Variants in RIC1 observed in about 807,000 individuals in gnomAD.
RIC1 encodes RIC1 partner of RAB6A GEF complex, also known as guanine nucleotide exchange factor subunit RIC1.
A neutral mutation model predicts 169.0 loss-of-function variants in RIC1; 88 were observed. The observed-to-expected ratio is 0.52, with a 90% CI of 0.44 to 0.62. RIC1 has a LOEUF of 0.62. RIC1 is among the 20% of genes least tolerant of loss of function. The pLI is 0.00. For synonymous variants in RIC1, 790 were observed against 601.5 expected, an observed-to-expected ratio of 1.31 and a Z score of -4.59; for missense variants, 1,877 against 1,725.5, an observed-to-expected ratio of 1.09 and a Z score of -1.56.
intron 3 of RIC1, among the ~76,000 whole-genome samples, chr9:5,702,852 A>G (rs1342252276): frequency 6.6e-6 from 1 of 152,164 alleles, no homozygotes; most frequent in Admixed American, 6.5e-5. Flanking sequence ...CAACTGAGCT[A>G]CACACTTTTA....
At chr9:5,663,882 T>G (rs1819599851) in intron 2 of RIC1, among the ~76,000 whole-genome samples, 1 of 152,086 alleles carries the variant, frequency 6.6e-6, no homozygotes, top group Non-Finnish European at 1.5e-5. Context: ...CAGACTTATG[T>G]GGTTCCTTCA....
intron 1 of RIC1, among the ~76,000 whole-genome samples, chr9:5,637,104 G>T (rs1301287976): frequency 1.3e-5 from 2 of 152,180 alleles, no homozygotes; most frequent in African/African-American, 2.4e-5. Flanking sequence ...CAGTTGCCCA[G>T]GTTGGAGTGC....
At chr9:5,661,982 C>G (rs1277656893) in intron 2 of RIC1, among the ~76,000 whole-genome samples, 5 of 152,042 alleles carry the variant, frequency 3.3e-5, no homozygotes, top group Admixed American at 1.3e-4. Flanking sequence ...ATATATGACT[C>G]TTATTATTTT....
downstream of RIC1, among the ~76,000 whole-genome samples, chr9:5,776,899 T>G (rs1348671648): frequency 6.6e-6 from 1 of 152,126 alleles, no homozygotes; most frequent in Non-Finnish European, 1.5e-5. Context: ...ATAAGCGGGA[T>G]TAAAAAGTAC....
intron 17 of RIC1, among the ~76,000 whole-genome samples, chr9:5,758,976 C>T (rs1826177018): frequency 6.6e-6 from 1 of 151,978 alleles, no homozygotes; most frequent in South Asian, 2.1e-4. Flanking sequence ...ATCTCTTGAC[C>T]TCATGATCTG....
At chr9:5,683,283 A>G (rs1431186836) in intron 2 of RIC1, among the ~76,000 whole-genome samples, 2 of 151,884 alleles carry the variant, frequency 1.3e-5, no homozygotes, top group East Asian at 1.9e-4. Context: ...GGTTTTATCT[A>G]CCTTTGGTCT....
At chr9:5,693,395 T>G (rs1771630123) in intron 3 of RIC1, among the ~76,000 whole-genome samples, 1 of 152,148 alleles carries the variant, frequency 6.6e-6, no homozygotes, top group Admixed American at 6.5e-5. Flanking sequence ...CCACCTAGTG[T>G]TGTTTCTAGC....
At chr9:5,706,483 C>G (rs971028961) in intron 3 of RIC1, among the ~76,000 whole-genome samples, 7 of 152,026 alleles carry the variant, frequency 4.6e-5, no homozygotes, top group Admixed American at 4.6e-4. Context: ...AGTGTTCCCT[C>G]CTCTTACCTA....
chr9:5,689,085 G>T (rs536111244), intron 2 of RIC1, among the ~76,000 whole-genome samples: 12 of 111,082 alleles, frequency 1.1e-4, no homozygotes, highest in Non-Finnish European at 3.3e-5. Flanking sequence ...GTCTCGCTCT[G>T]TCGCCCAGCG....
chr9:5,768,749 C>T (rs938046977), intron 21 of RIC1, among the ~76,000 whole-genome samples: 7 of 152,110 alleles, frequency 4.6e-5, no homozygotes, highest in Non-Finnish European at 1.5e-5. Context: ...TTTTCCTGTT[C>T]CCTGTATTCA....
intron 19 of RIC1, 104 bp from the exon 20 acceptor site, chr9:5,765,310 G>T: frequency 1.7e-6 from 2 of 1,207,742 alleles, no homozygotes; most frequent in East Asian, 2.4e-5. Context: ...CCCCTGTGGT[G>T]GTGTGGCTAC....
chr9:5,775,528 TA>T lies in RIC1; in HGVS notation c.*1284del, dbSNP rs1157023620. On this transcript the variant is annotated 3_prime_UTR_variant, in exon 26 of 26. Transcript: ENST00000414202. ...AAAACAAACTTGTTTATTTTTATAA[TA>T]ACGATGTATTTGATGTGGACCAAAT... 6.6e-6 allele frequency: 1 copy of T among 152,196 alleles called. No homozygotes were observed. Among genetic ancestry groups the T allele is most frequent in the Non-Finnish European group, 1.5e-5 (1 of 68,018 alleles). 9.4% of individuals were successfully genotyped at this position (152,196 alleles called of 1,614,324 possible).
At chr9:5,636,603 G>A (rs888454466) in intron 1 of RIC1, among the ~76,000 whole-genome samples, 3 of 152,120 alleles carry the variant, frequency 2.0e-5, no homozygotes, top group Non-Finnish European at 4.4e-5. Flanking sequence ...ATAGGTGTGA[G>A]CCACCACTCC....
chr9:5,750,859 A>G (rs1040028176), intron 12 of RIC1, among the ~76,000 whole-genome samples: 1 of 151,766 alleles, frequency 6.6e-6, no homozygotes, highest in Non-Finnish European at 1.5e-5. Flanking sequence ...TGACACATAG[A>G]TCAATAAAGT....
chr9:5,703,593 T>A (rs1327119221), intron 3 of RIC1, among the ~76,000 whole-genome samples: 1 of 152,242 alleles, frequency 6.6e-6, no homozygotes, highest in African/African-American at 2.4e-5. Flanking sequence ...ACCTTTTGTG[T>A]CTTATTTAAT....
At chr9:5,727,401 G>C (rs963343239) in intron 6 of RIC1, among the ~76,000 whole-genome samples, 20 of 152,114 alleles carry the variant, frequency 1.3e-4, no homozygotes, top group African/African-American at 4.6e-4. Context: ...GTCATTTTAG[G>C]TCCTTGCTAC....
intron 1 of RIC1, among the ~76,000 whole-genome samples, chr9:5,634,801 G>T (rs191106259): frequency 1.8e-3 from 266 of 151,896 alleles, no homozygotes; most frequent in Non-Finnish European, 3.3e-3. Flanking sequence ...CAGATGTCAG[G>T]GTGTTTTTCC....
At chr9:5,647,505 G>T (rs1818577139) in intron 1 of RIC1, among the ~76,000 whole-genome samples, 1 of 152,154 alleles carries the variant, frequency 6.6e-6, no homozygotes. Context: ...AGTTTTCACT[G>T]TAGAAGTCTT....
intron 3 of RIC1, among the ~76,000 whole-genome samples, chr9:5,692,459 T>C (rs1821640877): frequency 6.6e-6 from 1 of 152,074 alleles, no homozygotes; most frequent in African/African-American, 2.4e-5. Flanking sequence ...TTCTAAGCTT[T>C]TAAGTAATTT....
Sources: allele counts gnomAD v4.1 joint callset (sites outside exome capture counted in the v4.1 genomes callset), GRCh38; gene constraint gnomAD v4.1.1; transcripts MANE v1.5; gene names NCBI Gene and HGNC (gene_info 2026-07-23, HGNC 2026-07-21).